Variants in ARB2A observed in about 807,000 individuals in gnomAD.
ARB2A encodes the protein ARB2 cotranscriptional regulator A.
At chr5:93,736,861 A>T in the ARB2A span, 84 of 152,334 alleles carry the variant, frequency 5.5e-4, no homozygotes, top group Admixed American at 3.2e-3. Context: ...CAATGGTGAA[A>T]AGACTAAAAG....
At chr5:93,724,740 T>C in the ARB2A span, among the ~76,000 whole-genome samples, 2 of 152,088 alleles carry the variant, frequency 1.3e-5, no homozygotes, top group East Asian at 3.8e-4. Flanking sequence ...TACAGTGTTT[T>C]GTTTTATGCA....
At chr5:93,790,079 T>C in the ARB2A span, among the ~76,000 whole-genome samples, 1 of 152,186 alleles carries the variant, frequency 6.6e-6, no homozygotes, top group Non-Finnish European at 1.5e-5. Context: ...GGAGTCAGAT[T>C]CCCTGGGTTC....
chr5:93,858,723 T>C, the ARB2A span, among the ~76,000 whole-genome samples: 4 of 152,192 alleles, frequency 2.6e-5, no homozygotes, highest in East Asian at 7.7e-4. Flanking sequence ...AGAGGTGAAA[T>C]ATTAAAATGA....
the ARB2A span, among the ~76,000 whole-genome samples, chr5:93,643,757 G>A: frequency 3.9e-5 from 6 of 152,174 alleles, no homozygotes; most frequent in African/African-American, 1.4e-4. Context: ...GCCTCCCAAA[G>A]TGCTGGGATT....
the ARB2A span, chr5:93,743,429 G>T: frequency 4.2e-5 from 17 of 407,980 alleles, no homozygotes; most frequent in East Asian, 2.2e-3. Context: ...TTCCATATTT[G>T]CCTTCAATTA....
At chr5:93,970,548 G>T in the ARB2A span, among the ~76,000 whole-genome samples, 1 of 151,988 alleles carries the variant, frequency 6.6e-6, no homozygotes, top group East Asian at 1.9e-4. Context: ...TTGCATAGCG[G>T]TAAGTATACC....
At chr5:94,077,591 A>G in the ARB2A span, among the ~76,000 whole-genome samples, 3 of 151,924 alleles carry the variant, frequency 2.0e-5, no homozygotes, top group African/African-American at 7.3e-5. Context: ...ATAAAAATTC[A>G]GAGTTATAAC....
chr5:93,720,191 T>C, the ARB2A span, among the ~76,000 whole-genome samples: 1 of 152,236 alleles, frequency 6.6e-6, no homozygotes, highest in Admixed American at 6.5e-5. Flanking sequence ...AAAGACGCTT[T>C]ATTCTAATCT....
At chr5:93,786,517 G>C in the ARB2A span, among the ~76,000 whole-genome samples, 1 of 152,274 alleles carries the variant, frequency 6.6e-6, no homozygotes, top group East Asian at 1.9e-4. Flanking sequence ...GGTGAGGAAT[G>C]GCCAAATTCC....
At chr5:93,896,918 C>T in the ARB2A span, among the ~76,000 whole-genome samples, 4 of 151,920 alleles carry the variant, frequency 2.6e-5, no homozygotes, top group Non-Finnish European at 4.4e-5. Flanking sequence ...TATAAACTTC[C>T]ATATTCCGCA....
At chr5:94,108,865 T>C in the ARB2A span, among the ~76,000 whole-genome samples, 11 of 152,108 alleles carry the variant, frequency 7.2e-5, no homozygotes, top group African/African-American at 2.4e-4. Flanking sequence ...AAAAAAAGTA[T>C]ACATATAGAT....
the ARB2A span, among the ~76,000 whole-genome samples, chr5:93,777,424 C>T: frequency 1.3e-5 from 2 of 152,086 alleles, no homozygotes; most frequent in African/African-American, 2.4e-5. Context: ...TAACGATTTA[C>T]AATTCAGATA....
the ARB2A span, among the ~76,000 whole-genome samples, chr5:93,926,782 A>T: frequency 6.6e-6 from 1 of 151,896 alleles, no homozygotes; most frequent in South Asian, 2.1e-4. Flanking sequence ...TTTAGTACTA[A>T]CAAGTTTCTA....
At chr5:93,712,791 C>T in the ARB2A span, among the ~76,000 whole-genome samples, 1 of 152,126 alleles carries the variant, frequency 6.6e-6, no homozygotes, top group Non-Finnish European at 1.5e-5. Context: ...GATCACATTA[C>T]CTGACTTCAA....
At chr5:93,760,986 C>T in the ARB2A span, among the ~76,000 whole-genome samples, 1 of 152,162 alleles carries the variant, frequency 6.6e-6, no homozygotes, top group South Asian at 2.1e-4. Flanking sequence ...GGGATAAAAT[C>T]TTCACAATCT....
the ARB2A span, among the ~76,000 whole-genome samples, chr5:93,947,895 T>C: frequency 1.3e-5 from 2 of 151,928 alleles, no homozygotes; most frequent in Non-Finnish European, 2.9e-5. Context: ...ATGTGCCACA[T>C]TTTCTTAATC....
the ARB2A span, among the ~76,000 whole-genome samples, chr5:94,064,906 A>T: frequency 6.6e-6 from 1 of 152,166 alleles, no homozygotes; most frequent in African/African-American, 2.4e-5. Flanking sequence ...AATAAAACTC[A>T]CTGTTAGAGG....
At chr5:93,688,098 CAA>C in the ARB2A span, among the ~76,000 whole-genome samples, 15 of 152,062 alleles carry the variant, frequency 9.9e-5, no homozygotes, top group Admixed American at 8.5e-4. Context: ...CTCAGCCTCC[CAA>C]GTAGCTGGGA....
the ARB2A span, among the ~76,000 whole-genome samples, chr5:94,082,232 A>C: frequency 4.6e-5 from 7 of 152,138 alleles, no homozygotes; most frequent in African/African-American, 1.7e-4. Flanking sequence ...TAGAAGCACT[A>C]ATTCACTTTG....
Sources: gnomAD v4.1 joint callset for allele counts (sites outside exome capture counted in the v4.1 genomes callset) on GRCh38, gnomAD v4.1.1 for gene constraint, MANE v1.5 for transcripts, NCBI Gene and HGNC (gene_info 2026-07-23, HGNC 2026-07-21) for gene names.